The following CDH3 variants were observed in gnomAD, a reference collection of about 807,000 sequenced individuals.
CDH3 encodes the protein cadherin-3.
CDH3 carries 54 observed loss-of-function variants against 82.0 expected under a neutral mutation model. That is an observed-to-expected ratio of 0.66 (90% CI 0.53 to 0.83). The LOEUF (loss-of-function observed/expected upper bound fraction) is 0.83, where lower values mean the gene tolerates loss of function less well. CDH3 is among the 40% of genes least tolerant of loss of function. The probability of loss-of-function intolerance (pLI) is 0.00; values close to 1 mark genes in which losing one functional copy is unlikely to be tolerated. For missense variants in CDH3, 1,054 were observed against 1,084.6 expected (o/e 0.97, Z 0.40); for synonymous variants, 446 against 437.9 (o/e 1.02, Z -0.23).
chr16:68,686,734 T>G (rs113973524), intron 11 of CDH3: 1 of 712,234 alleles, frequency 1.4e-6, no homozygotes. Flanking sequence ...CCCATTCCAC[T>G]GAAGTTCTGA....
chr16:68,718,964 C>T (rs1345140538), intron 1 of CDH3, among the ~76,000 whole-genome samples: 3 of 151,930 alleles, frequency 2.0e-5, no homozygotes, highest in African/African-American at 4.8e-5. Flanking sequence ...CGGGGCCGGG[C>T]GCGGTGGCTC....
At chr16:68,717,648 C>T (rs924058155) in intron 1 of CDH3, among the ~76,000 whole-genome samples, 1 of 152,048 alleles carries the variant, frequency 6.6e-6, no homozygotes. Flanking sequence ...TGGCAGGCAC[C>T]TGTAATCCCA....
At chr16:68,676,502 G>C in intron 3 of CDH3, 32 bp downstream of exon 3, 1 of 1,545,904 alleles carries the variant, frequency 6.5e-7, no homozygotes, top group South Asian at 1.1e-5. Flanking sequence ...CAGGACAAAA[G>C]AAAGATGTTC....
In CDH3 at chr16:68,721,229, CTT is replaced by C. The variant is rs71148941; in HGVS notation, c.100-1177_100-1176del. Among the ~76,000 whole-genome samples the C allele has an allele frequency of 6.2e-3, 713 of 114,508 alleles. 5 individuals are homozygous for C. The highest frequency in any genetic ancestry group is 0.02 in the African/African-American group (589 of 29,352). 75.1% of individuals were successfully genotyped at this position (114,508 alleles called of 152,430 possible). Reference sequence around the variant, plus strand: ...GACCTTACCCTTTATGCAGTTTAGTCTTTTTTTTTTTTTTTTTTTTGAGATGG... The same window carrying C: ...GACCTTACCCTTTATGCAGTTTAGTCTTTTTTTTTTTTTTTTTTGAGATGG... On this transcript the variant is annotated intron_variant, in intron 1 of 2. Coordinates refer to the CDH3 transcript ENST00000569080.
At chr16:68,680,573 G>T (rs1961191383) in intron 7 of CDH3, among the ~76,000 whole-genome samples, 1 of 152,136 alleles carries the variant, frequency 6.6e-6, no homozygotes, top group Non-Finnish European at 1.5e-5. Flanking sequence ...CAGCTACTTG[G>T]GAGGCTGAGG....
At position 68,707,925 on chromosome 16, in the gene CDH3, C is replaced by G. The variant is rs115916578; in HGVS notation, c.99+12002C>G. ...ACTTCTGTCCCCACTGTTGTCCATC[C>G]GGTAAACCACGGCCAGCCCACAGCT... On this transcript the variant is annotated intron_variant, in intron 1 of 2. Coordinates refer to the CDH3 transcript ENST00000569080. The surrounding 1 kb of genome is among the most constrained non-coding windows in gnomAD (Gnocchi z 4.5). Among the ~76,000 whole-genome samples the G allele has an allele frequency of 6.6e-6, 1 of 152,002 alleles. No individual in the cohort carries two copies. Among genetic ancestry groups the G allele is most frequent in the African/African-American group, 2.4e-5 (1 of 41,390 alleles).
At chr16:68,663,094 G>C (rs1013925211) in intron 2 of CDH3, among the ~76,000 whole-genome samples, 2 of 151,168 alleles carry the variant, frequency 1.3e-5, no homozygotes, top group African/African-American at 4.9e-5. Flanking sequence ...TCAAACTCCT[G>C]ACCTCATGGT....
chr16:68,664,085 G>T (rs1173479907), intron 2 of CDH3, among the ~76,000 whole-genome samples: 4 of 151,744 alleles, frequency 2.6e-5, no homozygotes, highest in African/African-American at 9.7e-5. Context: ...GTCAGTGTGG[G>T]CCTGGTAATT....
chr16:68,678,256 C>T lies in CDH3; in HGVS notation c.369C>T (p.Pro123=). 1 of 1,614,196 alleles carries T rather than the reference C, an allele frequency of 6.2e-7. No homozygotes were observed. Among genetic ancestry groups the T allele is most frequent in the Non-Finnish European group, 8.5e-7 (1 of 1,180,030 alleles). The change falls in exon 4 of 16, where the codon CCC becomes CCT. Residue 123 remains proline, a synonymous_variant. Coordinates refer to ENST00000264012, the MANE Select transcript of CDH3 (RefSeq NM_001793.6). ...CTGTCCCTGAAAATGGCAAGGGTCC[C>T]TTCCCCCAGAGACTGAATCAGGTAC... ...PISVPENGKG[P]FPQRLNQLKS...
At chr16:68,720,191 C>T (rs1962144789) in intron 1 of CDH3, among the ~76,000 whole-genome samples, 1 of 151,736 alleles carries the variant, frequency 6.6e-6, no homozygotes, top group Non-Finnish European at 1.5e-5. Context: ...AAACAAAAAA[C>T]CTCACAGAAC....
chr16:68,665,734 C>T (rs777205387), intron 2 of CDH3, among the ~76,000 whole-genome samples: 19 of 152,048 alleles, frequency 1.2e-4, no homozygotes, highest in Non-Finnish European at 2.5e-4. Flanking sequence ...GAGTCAGCCG[C>T]GTTCCAAACT....
At chr16:68,681,866 T>A (rs138139535) in intron 8 of CDH3, among the ~76,000 whole-genome samples, 1 of 152,198 alleles carries the variant, frequency 6.6e-6, no homozygotes, top group East Asian at 1.9e-4. Context: ...ATAAATAAAT[T>A]TTTTGTTCCG....
At chr16:68,713,127 T>G (rs1377943040) in intron 1 of CDH3, among the ~76,000 whole-genome samples, 2 of 152,116 alleles carry the variant, frequency 1.3e-5, no homozygotes, top group Admixed American at 6.6e-5. Context: ...GTCAAGATTG[T>G]TTTTGGTTGA....
intron 1 of CDH3, among the ~76,000 whole-genome samples, chr16:68,710,874 GGA>G (rs1036962222): frequency 1.4e-5 from 2 of 144,810 alleles, no homozygotes; most frequent in East Asian, 2.1e-4. Context: ...AGAGAAAAAG[GGA>G]GAGAGAGAGA....
chr16:68,685,079 G>A, intron 10 of CDH3, 126 bp from the exon 11 acceptor site: 1 of 1,225,920 alleles, frequency 8.2e-7, no homozygotes, highest in South Asian at 1.2e-5. Flanking sequence ...TGGGCGAGGT[G>A]CATTTTCCAT....
At chr16:68,671,815 C>T (rs927644778) in intron 2 of CDH3, among the ~76,000 whole-genome samples, 13 of 152,078 alleles carry the variant, frequency 8.5e-5, no homozygotes, top group African/African-American at 3.1e-4. Context: ...AGATACCATG[C>T]CTGGCTGACT....
chr16:68,682,280 G>A, intron 8 of CDH3, 22 bp from the exon 9 acceptor site: 1 of 1,611,378 alleles, frequency 6.2e-7, no homozygotes, highest in South Asian at 1.1e-5. Flanking sequence ...CTCTGATAGT[G>A]CTGTGCTTCT....
intron 2 of CDH3, among the ~76,000 whole-genome samples, chr16:68,658,191 C>G (rs1337641053): frequency 3.3e-5 from 5 of 151,794 alleles, no homozygotes; most frequent in Admixed American, 3.3e-4. Context: ...AGCCATCATT[C>G]CTGGCCCCCA....
chr16:68,664,456 A>G (rs1960681406), intron 2 of CDH3, among the ~76,000 whole-genome samples: 1 of 152,168 alleles, frequency 6.6e-6, no homozygotes. Flanking sequence ...CCCCAGATGC[A>G]CTTCCAGAAG....
Sources: gnomAD v4.1 joint callset for allele counts (sites outside exome capture counted in the v4.1 genomes callset) on GRCh38, gnomAD v4.1.1 for gene constraint, Gnocchi (gnomAD v3.1) non-coding constraint, MANE v1.5 for transcripts, NCBI Gene and HGNC (gene_info 2026-07-23, HGNC 2026-07-21) for gene names.